DPYD: variants seen among roughly 807,000 people sequenced by gnomAD.
The protein encoded by DPYD is dihydropyrimidine dehydrogenase, also known as dihydropyrimidine dehydrogenase [NADP(+)].
DPYD carries 109 observed loss-of-function variants against 116.2 expected under a neutral mutation model. The ratio of observed to expected loss-of-function variants is 0.94; its 90% CI spans 0.80 to 1.10. The LOEUF (loss-of-function observed/expected upper bound fraction) is 1.10, where lower values mean the gene tolerates loss of function less well. DPYD is among the 50% of genes least tolerant of loss of function. The pLI, the probability that DPYD is intolerant of heterozygous loss-of-function variation, is 0.00. For missense variants in DPYD, 1,302 were observed against 1,254.5 expected, an observed-to-expected ratio of 1.04 and a Z score of -0.57; for synonymous variants, 440 against 432.0, an observed-to-expected ratio of 1.02 and a Z score of -0.23.
chr1:97,588,292 A>C (rs1017327161), intron 10 of DPYD, among the ~76,000 whole-genome samples: 1 of 152,222 alleles, frequency 6.6e-6, no homozygotes, highest in Non-Finnish European at 1.5e-5. Context: ...ATTAAAGATC[A>C]ATCGTGTTTT....
intron 14 of DPYD, among the ~76,000 whole-genome samples, chr1:97,434,199 A>C (rs1675334507): frequency 6.6e-6 from 1 of 152,146 alleles, no homozygotes; most frequent in African/African-American, 2.4e-5. Context: ...TGCATGACTA[A>C]AATATTACAG....
chr1:97,421,330 G>T (rs1330227443), intron 14 of DPYD, among the ~76,000 whole-genome samples: 1 of 152,062 alleles, frequency 6.6e-6, no homozygotes, highest in Non-Finnish European at 1.5e-5. Context: ...TACTTCCAGA[G>T]ATTAACTATT....
chr1:97,802,116 T>C (rs749830321), intron 3 of DPYD, among the ~76,000 whole-genome samples: 15 of 151,702 alleles, frequency 9.9e-5, no homozygotes, highest in Non-Finnish European at 2.2e-4. Flanking sequence ...GACTGGGAGG[T>C]AAAGACGTAG....
At chr1:97,719,382 T>C (rs1662795978) in intron 5 of DPYD, among the ~76,000 whole-genome samples, 1 of 151,868 alleles carries the variant, frequency 6.6e-6, no homozygotes. Flanking sequence ...TTTTGAAAAA[T>C]ACCATACTAT....
chr1:97,123,315 A>T (rs1001338474), intron 20 of DPYD, among the ~76,000 whole-genome samples: 1 of 152,136 alleles, frequency 6.6e-6, no homozygotes, highest in Non-Finnish European at 1.5e-5. Context: ...ATTTTTTTCT[A>T]ATAAACTCTG....
chr1:97,108,626 T>C lies in DPYD; in HGVS notation c.2623-9994A>G, dbSNP rs77549338. 7.2e-4 allele frequency among the ~76,000 whole-genome samples: 109 copies of C among 152,304 alleles called. 1 individual carries two copies. The highest frequency in any genetic ancestry group is 2.5e-3 in the African/African-American group (105 of 41,584). Reference sequence around the variant, plus strand: ...AAGGTAAAACTAAAGATATTGTAGCTATTTTACCTCATTACTAAATAATGA... The same window carrying C: ...AAGGTAAAACTAAAGATATTGTAGCCATTTTACCTCATTACTAAATAATGA... On this transcript the variant is annotated intron_variant, in intron 20 of 22. Coordinates refer to ENST00000370192, the MANE Select transcript of DPYD (RefSeq NM_000110.4).
At chr1:97,676,931 C>A (rs1159062189) in intron 8 of DPYD, among the ~76,000 whole-genome samples, 1 of 152,138 alleles carries the variant, frequency 6.6e-6, no homozygotes, top group African/African-American at 2.4e-5. Context: ...CACTTCTCAG[C>A]ATGAAAATGC....
intron 18 of DPYD, among the ~76,000 whole-genome samples, chr1:97,303,912 C>G (rs1165334076): frequency 6.6e-6 from 1 of 151,930 alleles, no homozygotes; most frequent in Non-Finnish European, 1.5e-5. Flanking sequence ...TTTTCAGGTA[C>G]TGCTATAATT....
chr1:97,757,865 T>G (rs533555368), intron 3 of DPYD, among the ~76,000 whole-genome samples: 64 of 152,274 alleles, frequency 4.2e-4, no homozygotes, highest in Non-Finnish European at 1.6e-4. Flanking sequence ...GTACAATCTC[T>G]TTAGGAAAAA....
intron 3 of DPYD, among the ~76,000 whole-genome samples, chr1:97,741,634 A>C (rs767800457): frequency 5.9e-5 from 9 of 152,154 alleles, no homozygotes; most frequent in Non-Finnish European, 1.2e-4. Context: ...CATTTATTTA[A>C]TACATATTTA....
intron 20 of DPYD, among the ~76,000 whole-genome samples, chr1:97,157,059 T>A (rs1425835456): frequency 7.4e-6 from 1 of 135,620 alleles, no homozygotes; most frequent in Non-Finnish European, 1.5e-5. Context: ...TAGGTGGGAA[T>A]TGAACAATGA....
chr1:97,271,337 AAAATAAAATCAG>A (rs1664571733), intron 18 of DPYD, among the ~76,000 whole-genome samples: 1 of 152,216 alleles, frequency 6.6e-6, no homozygotes, highest in African/African-American at 2.4e-5. Flanking sequence ...GGAGAGAAAT[AAAATAAAATCAG>A]GAAGAAGTTA....
intron 4 of DPYD, 69 bp downstream of exon 4, chr1:97,740,323 T>C: frequency 2.3e-6 from 3 of 1,306,612 alleles, no homozygotes; most frequent in Non-Finnish European, 3.3e-6. Flanking sequence ...CTGTATTCTG[T>C]ACCCACAGAT....
chr1:97,205,522 C>T (rs1659527913), intron 19 of DPYD, among the ~76,000 whole-genome samples: 1 of 152,056 alleles, frequency 6.6e-6, no homozygotes, highest in Non-Finnish European at 1.5e-5. Flanking sequence ...AAAATTATCA[C>T]AGTTTTTTTC....
At chr1:97,469,413 A>C (rs13375858) in intron 13 of DPYD, among the ~76,000 whole-genome samples, 7 of 147,720 alleles carry the variant, frequency 4.7e-5, no homozygotes, top group African/African-American at 1.5e-4. Flanking sequence ...AAAAAAAAAA[A>C]AAAAAAAAAA....
intron 19 of DPYD, among the ~76,000 whole-genome samples, chr1:97,229,060 C>T (rs750115124): frequency 6.6e-6 from 1 of 151,484 alleles, no homozygotes; most frequent in Admixed American, 6.6e-5. Context: ...AAAAATTAGC[C>T]GGGCATGGTG....
intron 2 of DPYD, among the ~76,000 whole-genome samples, chr1:97,830,114 T>C (rs1269420932): frequency 6.6e-6 from 1 of 152,176 alleles, no homozygotes; most frequent in African/African-American, 2.4e-5. Flanking sequence ...TTCCATGGTG[T>C]ATATGGGCCA....
chr1:97,295,925 T>A (rs1666499676), intron 18 of DPYD: 1 of 186,406 alleles, frequency 5.4e-6, no homozygotes, highest in African/African-American at 2.4e-5. Flanking sequence ...ACAAGTAAAC[T>A]GATTTTAAGG....
At chr1:97,835,728 A>T (rs527715702) in intron 2 of DPYD, among the ~76,000 whole-genome samples, 22 of 152,092 alleles carry the variant, frequency 1.4e-4, no homozygotes, top group Non-Finnish European at 3.1e-4. Context: ...GAAACACAGT[A>T]TCATTATTTC....
Sources: gnomAD v4.1 joint callset for allele counts (sites outside exome capture counted in the v4.1 genomes callset) on GRCh38, gnomAD v4.1.1 for gene constraint, MANE v1.5 for transcripts, NCBI Gene and HGNC (gene_info 2026-07-23, HGNC 2026-07-21) for gene names.